The following ADAMTS18 variants were observed in gnomAD, a reference collection of about 807,000 sequenced individuals.
ADAMTS18 encodes A disintegrin and metalloproteinase with thrombospondin motifs 18.
In ADAMTS18, 157 loss-of-function variants were observed where a neutral mutation model predicts 165.9. The observed-to-expected ratio is 0.95, with a 90% confidence interval of 0.83 to 1.08. The LOEUF (loss-of-function observed/expected upper bound fraction) is 1.08. Ranked by LOEUF, ADAMTS18 falls within the 50% of genes least tolerant of loss-of-function variation. The pLI is 0.00. For synonymous variants in ADAMTS18, 782 were observed against 578.2 expected, an observed-to-expected ratio of 1.35 and a Z score of -5.06; for missense variants, 2,040 against 1,534.0, an observed-to-expected ratio of 1.33 and a Z score of -5.51.
chr16:77,350,869 G>A (rs9933659), intron 10 of ADAMTS18, among the ~76,000 whole-genome samples: 1,522 of 151,988 alleles, frequency 0.01, 24 homozygotes, highest in African/African-American at 0.035. Flanking sequence ...GTTCCTTTTC[G>A]TTGTTGTTCT....
intron 3 of ADAMTS18, among the ~76,000 whole-genome samples, chr16:77,395,680 C>A (rs538483121): frequency 1.3e-5 from 2 of 152,146 alleles, no homozygotes; most frequent in East Asian, 3.9e-4. Context: ...TCCAGAAGGG[C>A]AAAGATCACA....
At chr16:77,412,179 CTG>C (rs1416379697) in intron 3 of ADAMTS18, among the ~76,000 whole-genome samples, 9 of 152,164 alleles carry the variant, frequency 5.9e-5, no homozygotes, top group African/African-American at 2.2e-4. Flanking sequence ...AAGAATCCCT[CTG>C]TCTCTGAGCT....
rs188995522 is a variant in ADAMTS18, at chr16:77,312,538, G to A, written c.2532+7311C>T. ...CAGGCGTGAGCCACCGCACTCGGCC[G>A]TCTCAAAAAAAACTTCTAACTATCA... On this transcript the variant is annotated intron_variant, in intron 16 of 22. Transcript: ENST00000282849. Among the ~76,000 whole-genome samples, 161 of 152,058 alleles carry A rather than the reference G, an allele frequency of 1.1e-3. 2 individuals carry two copies. Among genetic ancestry groups the A allele is most frequent in the African/African-American group, 3.6e-3 (149 of 41,488 alleles).
At chr16:77,322,219 C>A in intron 14 of ADAMTS18, 117 bp downstream of exon 14, 1 of 1,279,748 alleles carries the variant, frequency 7.8e-7, no homozygotes, top group East Asian at 2.4e-5. Context: ...TGCTCTTTCG[C>A]TCCATGCCAC....
chr16:77,367,943 C>T (rs2056822893), intron 3 of ADAMTS18, among the ~76,000 whole-genome samples: 1 of 152,186 alleles, frequency 6.6e-6, no homozygotes, highest in Admixed American at 6.5e-5. Flanking sequence ...GTGGCACAAA[C>T]ATGGCCCACT....
intron 3 of ADAMTS18, among the ~76,000 whole-genome samples, chr16:77,401,533 C>T (rs886900912): frequency 2.0e-5 from 3 of 152,140 alleles, no homozygotes; most frequent in Non-Finnish European, 2.9e-5. Flanking sequence ...GGCTGCAGAG[C>T]CTCAGTCACT....
intron 3 of ADAMTS18, among the ~76,000 whole-genome samples, chr16:77,390,977 G>A (rs552477439): frequency 6.6e-6 from 1 of 152,258 alleles, no homozygotes; most frequent in East Asian, 1.9e-4. Context: ...TGTCGGTGAT[G>A]CTGCCATTTC....
chr16:77,331,486 G>T (rs2056188603), intron 12 of ADAMTS18, among the ~76,000 whole-genome samples: 1 of 151,376 alleles, frequency 6.6e-6, no homozygotes, highest in African/African-American at 2.5e-5. Context: ...CAACATCATT[G>T]TTTTAATACT....
intron 3 of ADAMTS18, among the ~76,000 whole-genome samples, chr16:77,374,328 A>G (rs2144757642): frequency 6.6e-6 from 1 of 152,276 alleles, no homozygotes; most frequent in East Asian, 1.9e-4. Context: ...GGAAGTGACA[A>G]TTTCAAGACT....
At chr16:77,358,479 T>G (rs2056664041) in intron 8 of ADAMTS18, among the ~76,000 whole-genome samples, 1 of 152,096 alleles carries the variant, frequency 6.6e-6, no homozygotes, top group African/African-American at 2.4e-5. Context: ...GGAGAATCAC[T>G]TGAACCCGGG....
intron 22 of ADAMTS18, among the ~76,000 whole-genome samples, chr16:77,287,511 A>G (rs1020060792): frequency 3.3e-5 from 5 of 152,070 alleles, no homozygotes; most frequent in African/African-American, 1.2e-4. Context: ...CAGGGTCTCA[A>G]AAAAAGCCCA....
chr16:77,355,201 A>AG, intron 9 of ADAMTS18, among the ~76,000 whole-genome samples: 1 of 46,894 alleles, frequency 2.1e-5, no homozygotes, highest in Non-Finnish European at 5.1e-5. Flanking sequence ...TAAAGGTAGG[A>AG]TTGTGTGTGT....
chr16:77,400,503 AC>A (rs1228195799), intron 3 of ADAMTS18, among the ~76,000 whole-genome samples: 2 of 131,494 alleles, frequency 1.5e-5, no homozygotes, highest in Non-Finnish European at 3.2e-5. Context: ...TTTTTTTGAG[AC>A]GGAGTCTCGC....
Position 77,347,347 on chromosome 16 carries a change from G to A in ADAMTS18, c.1615-5548C>T, listed in dbSNP as rs926633384. Reference sequence around the variant, plus strand: ...ACATTTGCTGGGTCAAAGGGTAAAGGTAGGTTTAACTTTCTACATTGAAAC... The same window carrying A: ...ACATTTGCTGGGTCAAAGGGTAAAGATAGGTTTAACTTTCTACATTGAAAC... On this transcript the variant is annotated intron_variant, in intron 10 of 22. Transcript: ENST00000282849. Among the ~76,000 whole-genome samples, 4 of 152,220 alleles carry A rather than the reference G, an allele frequency of 2.6e-5. No homozygotes were observed. The East Asian group carries it at 7.7e-4, about 29-fold the overall frequency.
chr16:77,360,138 T>C (rs886680826), intron 7 of ADAMTS18, among the ~76,000 whole-genome samples: 3 of 152,196 alleles, frequency 2.0e-5, no homozygotes, highest in African/African-American at 7.2e-5. Flanking sequence ...TGCATGCTTG[T>C]GAATGGATTG....
At chr16:77,302,944 C>G (rs1233267789) in intron 16 of ADAMTS18, among the ~76,000 whole-genome samples, 1 of 152,132 alleles carries the variant, frequency 6.6e-6, no homozygotes, top group Non-Finnish European at 1.5e-5. Context: ...GCAAAAACAA[C>G]CACATGTCAA....
intron 3 of ADAMTS18, among the ~76,000 whole-genome samples, chr16:77,392,038 G>A (rs771494273): frequency 1.3e-5 from 2 of 151,770 alleles, no homozygotes; most frequent in East Asian, 1.9e-4. Context: ...CATTGAAGAC[G>A]CCCAGTCATT....
intron 16 of ADAMTS18, among the ~76,000 whole-genome samples, chr16:77,311,090 C>T (rs1416176238): frequency 1.3e-5 from 2 of 150,806 alleles, no homozygotes; most frequent in African/African-American, 5.0e-5. Context: ...TGATGTCATA[C>T]ATATGAAAGG....
In ADAMTS18 at chr16:77,314,779, T is replaced by C. The variant is rs1187098510; in HGVS notation, c.2532+5070A>G. Among the ~76,000 whole-genome samples the C allele has an allele frequency of 4.6e-4, 41 of 88,334 alleles. 4 individuals are homozygous for C. Among genetic ancestry groups the C allele is most frequent in the Non-Finnish European group, 5.3e-4 (23 of 43,170 alleles). The allele number at this position is 88,334 out of a possible 152,430, so 58.0% of individuals were successfully genotyped here. A position where few individuals can be genotyped will look rare whatever the true frequency, so the allele number is the denominator to read the frequency against. On this transcript the variant is annotated intron_variant, in intron 16 of 22. Transcript: ENST00000282849. ...ATATATATATATATATATATATATA[T>C]ATATATAAAATATATGTGATATGCT...
Sources: allele counts gnomAD v4.1 joint callset (sites outside exome capture counted in the v4.1 genomes callset), GRCh38; gene constraint gnomAD v4.1.1; transcripts MANE v1.5; gene names NCBI Gene and HGNC (gene_info 2026-07-23, HGNC 2026-07-21).